Variants in HERC6 observed in about 807,000 individuals in gnomAD.
HERC6 encodes probable E3 ubiquitin-protein ligase HERC6.
Under a neutral mutation model 114.5 loss-of-function variants are expected in HERC6, and 101 were observed. The observed-to-expected ratio is 0.88, with a 90% CI of 0.75 to 1.04. HERC6 has a LOEUF of 1.04. HERC6 is among the 50% of genes least tolerant of loss of function. HERC6 has a pLI of 0.00. For missense variants in HERC6, 1,133 were observed against 1,230.9 expected (o/e 0.92, Z 1.19); for synonymous variants, 408 against 436.2 (o/e 0.94, Z 0.81).
At position 88,378,959 on chromosome 4, in the gene HERC6, A is replaced by C. The variant is rs1035934955; in HGVS notation, c.38A>C (p.Gln13Pro). ...FCWGADSREL[Q>P]RRRTAGSPGA... Reference sequence around the variant, plus strand: ...TGGGGCGCCGACTCCAGGGAGCTGCAGCGCCGGAGGACGGCGGGCAGCCCC... The same window carrying C: ...TGGGGCGCCGACTCCAGGGAGCTGCCGCGCCGGAGGACGGCGGGCAGCCCC... Residue 13 changes from glutamine (Q) to proline (P), a missense_variant, in exon 1 of 23, where the codon CAG becomes CCG. By Grantham distance (76) the Gln-to-Pro change is moderately conservative. Around this residue, in one of 3 missense-constraint regions of HERC6, gnomAD observed 735 missense variants for 754.0 expected, o/e 0.97. Transcript: ENST00000264346. 1 of 1,594,794 alleles carries C rather than the reference A, an allele frequency of 6.3e-7. No individual in the cohort carries two copies. Among genetic ancestry groups the C allele is most frequent in the Non-Finnish European group, 8.5e-7 (1 of 1,171,866 alleles).
intron 13 of HERC6, among the ~76,000 whole-genome samples, chr4:88,418,221 A>G (rs1338621387): frequency 6.6e-6 from 1 of 152,228 alleles, no homozygotes; most frequent in Non-Finnish European, 1.5e-5. Context: ...TCACCTGGAC[A>G]GTACTTACCC....
At chr4:88,430,923 C>G (rs1002548369) in intron 16 of HERC6, among the ~76,000 whole-genome samples, 1 of 152,132 alleles carries the variant, frequency 6.6e-6, no homozygotes, top group African/African-American at 2.4e-5. Context: ...CTAGAGTCCC[C>G]CTTCACTTGG....
In HERC6 at chr4:88,440,225, C is replaced by G. The variant is rs376470032; in HGVS notation, c.2817C>G (p.Thr939=). 27 of 1,597,846 alleles carry G rather than the reference C, an allele frequency of 1.7e-5. No individual in the cohort carries two copies. The highest frequency in any genetic ancestry group is 1.3e-5 in the African/African-American group (1 of 74,618). The change falls in exon 22 of 23, where the codon ACC becomes ACG. Residue 939 remains threonine, a synonymous_variant. Coordinates refer to ENST00000264346, the MANE Select transcript of HERC6 (RefSeq NM_017912.4). The part of the protein sequence containing the change: ...QLFWKAFHKL[T]LDEKKKFLFF... ...TTTGGAAGGCTTTCCACAAACTAAC[C>G]TTGGATGAAAAGAAAAAATTCCTCT... is the stretch of plus-strand genomic sequence containing the variant.
At chr4:88,429,600 C>T (rs1199287070) in intron 16 of HERC6, among the ~76,000 whole-genome samples, 1 of 152,022 alleles carries the variant, frequency 6.6e-6, no homozygotes, top group African/African-American at 2.4e-5. Flanking sequence ...TAATGACTAA[C>T]TCTGTAGGTA....
chr4:88,379,627 T>A (rs1171217727), intron 1 of HERC6, among the ~76,000 whole-genome samples: 4 of 129,786 alleles, frequency 3.1e-5, no homozygotes, highest in African/African-American at 5.9e-5. Flanking sequence ...TTAAAAAATA[T>A]ATATATATAA....
At chr4:88,397,797 G>A (rs1355736326) in intron 7 of HERC6, among the ~76,000 whole-genome samples, 4 of 152,098 alleles carry the variant, frequency 2.6e-5, no homozygotes, top group African/African-American at 9.7e-5. Flanking sequence ...TAAAGTGAAA[G>A]CAAGTTTATT....
At position 88,428,652 on chromosome 4, in the gene HERC6, C is replaced by A. The variant is rs927355379; in HGVS notation, c.2008C>A (p.Pro670Thr). 6.2e-7 allele frequency: 1 copy of A among 1,607,832 alleles called. No individual in the cohort carries two copies. Among genetic ancestry groups the A allele is most frequent in the Non-Finnish European group, 8.5e-7 (1 of 1,177,120 alleles). Residue 670 changes from proline to threonine, a missense_variant, in exon 16 of 23, where the codon CCC becomes ACC. Physicochemically the swap from Pro to Thr is conservative, Grantham distance 38. Coordinates refer to ENST00000264346, the MANE Select transcript of HERC6 (RefSeq NM_017912.4). ...AAAAAAGGATGAATTTCCTCCATCACCCAGATTTATACTTAGAGTCAGACG... is the reference window on the plus strand; with the variant it reads ...AAAAAAGGATGAATTTCCTCCATCAACCAGATTTATACTTAGAGTCAGACG... ...LQKKDEFPPS[P>T]RFILRVRRSR...
chr4:88,428,904 C>T (rs1194850904), intron 16 of HERC6, among the ~76,000 whole-genome samples, 154 bp downstream of exon 16: 1 of 152,210 alleles, frequency 6.6e-6, no homozygotes. Flanking sequence ...CAGAGAATAG[C>T]AATAGGATGC....
At chr4:88,442,105 G>A in intron 22 of HERC6, 129 bp from the exon 23 acceptor site, 2 of 709,408 alleles carry the variant, frequency 2.8e-6, no homozygotes, top group Non-Finnish European at 2.4e-6. Flanking sequence ...ATTCAACATG[G>A]TCTAGGACAG....
rs1318112644 is a variant in HERC6, at chr4:88,413,275, T to A, written c.1558+9T>A. On this transcript the variant is annotated intron_variant, in intron 12 of 22. Coordinates refer to ENST00000264346, the MANE Select transcript of HERC6 (RefSeq NM_017912.4). ...ATCTTTGCAAGTCCTAAGTAAGTTT[T>A]ATGTCACTTTATCTGTACTCTCAAT... 6.2e-7 allele frequency: 1 copy of A among 1,604,502 alleles called. No homozygotes were observed. The highest frequency in any genetic ancestry group is 1.3e-5 in the African/African-American group (1 of 74,526).
chr4:88,405,846 T>G (rs1277797629), intron 10 of HERC6, among the ~76,000 whole-genome samples: 4 of 152,184 alleles, frequency 2.6e-5, no homozygotes, highest in Non-Finnish European at 4.4e-5. Context: ...CACTTTACTC[T>G]GTTGTCTGAT....
chr4:88,408,493 A>G (rs377582018), intron 10 of HERC6, 31 bp from the exon 11 acceptor site: 19 of 1,313,888 alleles, frequency 1.4e-5, no homozygotes, highest in Non-Finnish European at 2.1e-5. Flanking sequence ...CCTTATGTTT[A>G]TGTGGTTTCT....
chr4:88,417,584 G>C lies in HERC6; in HGVS notation c.1713+5G>C. 1 of 1,610,380 alleles carries C rather than the reference G, an allele frequency of 6.2e-7. No individual in the cohort carries two copies. Among genetic ancestry groups the C allele is most frequent in the East Asian group, 2.2e-5 (1 of 44,782 alleles). Reference sequence around the variant, plus strand: ...ATGATGAAAGAACTGCATAAGGTAAGGGTTACTCTAAAGGAATGCATGTAC... The same window carrying C: ...ATGATGAAAGAACTGCATAAGGTAACGGTTACTCTAAAGGAATGCATGTAC... On this transcript the variant is annotated splice_donor_5th_base_variant and intron_variant, in intron 13 of 22. Coordinates refer to ENST00000264346, the MANE Select transcript of HERC6 (RefSeq NM_017912.4).
At chr4:88,431,351 C>T in intron 17 of HERC6, 46 bp downstream of exon 17, 1 of 1,554,564 alleles carries the variant, frequency 6.4e-7, no homozygotes, top group South Asian at 1.3e-5. Context: ...GAAAAGGCAC[C>T]CCATATACTG....
At chr4:88,379,660 AAT>A (rs1179362420) in intron 1 of HERC6, among the ~76,000 whole-genome samples, 2 of 87,312 alleles carry the variant, frequency 2.3e-5, no homozygotes, top group Non-Finnish European at 4.1e-5. Flanking sequence ...AAAATATATA[AAT>A]ATATATAATA....
chr4:88,424,475 C>A, intron 14 of HERC6, 120 bp from the exon 15 acceptor site: 1 of 756,182 alleles, frequency 1.3e-6, no homozygotes, highest in Non-Finnish European at 2.2e-6. Context: ...CAAGACTCTG[C>A]CTTAAAAAAA....
At chr4:88,398,266 C>A in intron 8 of HERC6, 57 bp downstream of exon 8, 1 of 1,078,192 alleles carries the variant, frequency 9.3e-7, no homozygotes, top group Non-Finnish European at 1.3e-6. Context: ...GATTTCAGAC[C>A]GGTATTTGAA....
chr4:88,438,125 C>CAAAAAAAAAAAA (rs746047106), intron 20 of HERC6, among the ~76,000 whole-genome samples: 1 of 43,940 alleles, frequency 2.3e-5, no homozygotes, highest in Non-Finnish European at 4.6e-5. Flanking sequence ...GACTGTGTCT[C>CAAAAAAAAAAAA]AAAAAAAAAA....
intron 20 of HERC6, among the ~76,000 whole-genome samples, chr4:88,438,031 G>A (rs1738935452): frequency 6.6e-6 from 1 of 150,856 alleles, no homozygotes; most frequent in Non-Finnish European, 1.5e-5. Flanking sequence ...TACTAAGGAG[G>A]CTGAGGATTG....
Sources: gnomAD v4.1 joint callset for allele counts (sites outside exome capture counted in the v4.1 genomes callset) on GRCh38, gnomAD v4.1.1 for gene constraint, gnomAD v4.1.1 regional missense constraint, MANE v1.5 for transcripts, NCBI Gene and HGNC (gene_info 2026-07-23, HGNC 2026-07-21) for gene names.